Variants in TMPRSS15 observed in about 807,000 individuals in gnomAD.
TMPRSS15 encodes enteropeptidase.
In TMPRSS15, 128 loss-of-function variants were observed where a neutral mutation model predicts 125.3. The ratio of observed to expected loss-of-function variants is 1.02; its 90% CI spans 0.89 to 1.18. The LOEUF is 1.18. TMPRSS15 is among the 50% of genes most tolerant of loss of function. TMPRSS15 has a pLI of 0.00. For missense variants in TMPRSS15, 1,283 were observed against 1,212.7 expected, an observed-to-expected ratio of 1.06 and a Z score of -0.86; for synonymous variants, 446 against 423.2, an observed-to-expected ratio of 1.05 and a Z score of -0.66.
At chr21:18,289,745 G>A (rs543318946) in intron 21 of TMPRSS15, among the ~76,000 whole-genome samples, 4 of 152,212 alleles carry the variant, frequency 2.6e-5, no homozygotes, top group South Asian at 2.1e-4. Context: ...ATAGATGTCC[G>A]TTCAATGACT....
chr21:18,347,151 C>T (rs1009154070), intron 10 of TMPRSS15, among the ~76,000 whole-genome samples: 1 of 151,828 alleles, frequency 6.6e-6, no homozygotes, highest in Non-Finnish European at 1.5e-5. Flanking sequence ...CTTCAGAAAG[C>T]CTCCCAATTA....
At chr21:18,375,224 A>G (rs376620691) in intron 5 of TMPRSS15, among the ~76,000 whole-genome samples, 1 of 152,226 alleles carries the variant, frequency 6.6e-6, no homozygotes, top group East Asian at 1.9e-4. Flanking sequence ...ATTTTTGTCA[A>G]ATTGTATTTT....
intron 1 of TMPRSS15, among the ~76,000 whole-genome samples, chr21:18,473,471 A>C (rs540168944): frequency 2.6e-5 from 4 of 152,212 alleles, no homozygotes; most frequent in African/African-American, 9.6e-5. Context: ...ATGAATGAAC[A>C]GGCAACAGGT....
chr21:18,313,457 T>C (rs2146937145), intron 17 of TMPRSS15, among the ~76,000 whole-genome samples: 1 of 151,116 alleles, frequency 6.6e-6, no homozygotes, highest in Non-Finnish European at 1.5e-5. Context: ...CATCACATTG[T>C]AACCCATAAA....
chr21:18,383,638 A>G lies in TMPRSS15; in HGVS notation c.485T>C (p.Val162Ala), dbSNP rs2075913850. Residue 162 changes from valine (V) to alanine (A), a missense_variant, in exon 4 of 25, where the codon GTT becomes GCT. Coordinates refer to ENST00000284885, the MANE Select transcript of TMPRSS15 (RefSeq NM_002772.3). The part of the protein sequence containing the change: ...LVTFHIDLNS[V>A]DILDKLTTTS... ...ATGTTCACACATACCTAGGATATCAACGCTGTTCAAATCAATATGGAAAGT... is the reference window on the plus strand; with the variant it reads ...ATGTTCACACATACCTAGGATATCAGCGCTGTTCAAATCAATATGGAAAGT... 8 of 1,613,834 alleles carry G rather than the reference A, an allele frequency of 5.0e-6. No homozygotes were observed. Among genetic ancestry groups the G allele is most frequent in the Non-Finnish European group, 6.8e-6 (8 of 1,179,920 alleles).
chr21:18,313,177 G>A, intron 17 of TMPRSS15, 100 bp from the exon 18 acceptor site: 1 of 807,182 alleles, frequency 1.2e-6, no homozygotes, highest in South Asian at 1.4e-5. Flanking sequence ...TTAGACAGGA[G>A]GAATAAGTTC....
Position 18,275,226 on chromosome 21 carries a change from AGCCT to A in TMPRSS15, c.2871_2874del (p.Gly958MetfsTer6). On this transcript the variant is annotated frameshift_variant, in exon 24 of 25. Coordinates refer to ENST00000284885, the MANE Select transcript of TMPRSS15 (RefSeq NM_002772.3). LOFTEE classifies it high-confidence loss of function. ...CAAGAATCTATTCCTCCTTCTTCATAGCCTGCACATATCATATTTTCAGTAATGT... is the reference window on the plus strand; with the variant it reads ...CAAGAATCTATTCCTCCTTCTTCATAGCACATATCATATTTTCAGTAATGT... 6.2e-7 allele frequency: 1 copy of A among 1,614,100 alleles called. No individual in the cohort carries two copies. Among genetic ancestry groups the A allele is most frequent in the Non-Finnish European group, 8.5e-7 (1 of 1,179,982 alleles).
chr21:18,348,663 C>T (rs534533680), intron 10 of TMPRSS15, among the ~76,000 whole-genome samples: 26 of 152,172 alleles, frequency 1.7e-4, no homozygotes, highest in African/African-American at 6.0e-4. Context: ...ATTAAAGTTA[C>T]ACTTATTTTA....
intron 16 of TMPRSS15, among the ~76,000 whole-genome samples, chr21:18,320,543 T>C (rs2075223311): frequency 6.6e-6 from 1 of 152,232 alleles, no homozygotes; most frequent in Admixed American, 6.5e-5. Context: ...ATTTAAATGA[T>C]AACATAAAAA....
In TMPRSS15 at chr21:18,374,698, T is replaced by G. The variant is rs112458430; in HGVS notation, c.533-2374A>C. Among the ~76,000 whole-genome samples, 413 of 152,284 alleles carry G rather than the reference T, an allele frequency of 2.7e-3. 4 individuals are homozygous for G. Among genetic ancestry groups the G allele is most frequent in the African/African-American group, 9.1e-3 (377 of 41,548 alleles). On this transcript the variant is annotated intron_variant, in intron 5 of 24. Transcript: ENST00000284885. Reference sequence around the variant, plus strand: ...ATATATCTGCAATATGACCAGTCCATGTTTCATAAAGGCAATTGTTGGACC... The same window carrying G: ...ATATATCTGCAATATGACCAGTCCAGGTTTCATAAAGGCAATTGTTGGACC...
upstream of TMPRSS15, among the ~76,000 whole-genome samples, chr21:18,405,668 T>C (rs962111008): frequency 6.6e-6 from 1 of 152,256 alleles, no homozygotes; most frequent in African/African-American, 2.4e-5. Flanking sequence ...CTTCAATACA[T>C]AGCGCCGCAT....
In TMPRSS15 at chr21:18,343,607, T is replaced by C. The variant is rs377563522; in HGVS notation, c.1327A>G (p.Asn443Asp). Residue 443 changes from asparagine to aspartate, a missense_variant, in exon 12 of 25, where the codon AAT becomes GAT. Asn to Asp is a conservative substitution (Grantham distance 23). Transcript: ENST00000284885. ...NVHKLSINIS[N>D]DQNMEKTVFQ... ...ACTGTCTTCTCCATATTTTGGTCAT[T>C]GCTGATATTAATGCTTAATTTATGG... is the stretch of plus-strand genomic sequence containing the variant. The C allele has an allele frequency of 2.8e-5, 45 of 1,613,530 alleles. No individual in the cohort carries two copies. In the African/African-American group the frequency reaches 5.5e-4, roughly 20 times the overall value.
At chr21:18,352,796 C>T (rs1337507017) in intron 10 of TMPRSS15, 107 bp downstream of exon 10, 1 of 1,174,028 alleles carries the variant, frequency 8.5e-7, no homozygotes, top group East Asian at 2.4e-5. Context: ...CCCAAAAAGA[C>T]TTTTGCATTT....
At chr21:18,279,086 G>A (rs919702919) in intron 22 of TMPRSS15, 27 bp from the exon 23 acceptor site, 9 of 1,168,154 alleles carry the variant, frequency 7.7e-6, no homozygotes, top group African/African-American at 4.6e-5. Context: ...ACAGCAAAAC[G>A]AACAAACGAA....
Position 18,403,742 on chromosome 21 carries a change from A to C in TMPRSS15, c.-120T>G. ...TGTAAAGCAACAACCACCTGTCTACATGCATACCAGTCAGTGTAAGTGAGT... is the reference window on the plus strand; with the variant it reads ...TGTAAAGCAACAACCACCTGTCTACCTGCATACCAGTCAGTGTAAGTGAGT... On this transcript the variant is annotated 5_prime_UTR_variant, in exon 1 of 25. An upstream start codon of the reference 5' UTR is lost. Transcript: ENST00000284885. 8.1e-7 allele frequency: 1 copy of C among 1,239,524 alleles called. No individual in the cohort carries two copies. The highest frequency in any genetic ancestry group is 1.2e-6 in the Non-Finnish European group (1 of 866,378). 76.8% of individuals were successfully genotyped at this position (1,239,524 alleles called of 1,614,324 possible).
At chr21:18,466,014 C>T (rs190828139) in intron 1 of TMPRSS15, among the ~76,000 whole-genome samples, 56 of 152,282 alleles carry the variant, frequency 3.7e-4, no homozygotes, top group African/African-American at 1.3e-3. Flanking sequence ...TCAAACTATA[C>T]TACAAGGCTA....
intron 8 of TMPRSS15, among the ~76,000 whole-genome samples, chr21:18,357,009 A>G (rs1214544259): frequency 1.3e-5 from 2 of 151,796 alleles, no homozygotes; most frequent in African/African-American, 4.8e-5. Flanking sequence ...CATAACAACT[A>G]TGCACTCAGA....
chr21:18,433,823 T>G (rs2055651267), intron 1 of TMPRSS15, among the ~76,000 whole-genome samples: 1 of 152,164 alleles, frequency 6.6e-6, no homozygotes, highest in South Asian at 2.1e-4. Context: ...GTAGTTTGTT[T>G]TGGAGTTTTG....
intron 1 of TMPRSS15, among the ~76,000 whole-genome samples, chr21:18,449,804 T>C (rs576078362): frequency 3.7e-4 from 57 of 152,070 alleles, no homozygotes; most frequent in Admixed American, 6.6e-4. Context: ...TAGGGCCTAA[T>C]GGGAAATGTT....
Sources: allele counts gnomAD v4.1 joint callset (sites outside exome capture counted in the v4.1 genomes callset), GRCh38; gene constraint gnomAD v4.1.1; transcripts MANE v1.5; gene names NCBI Gene and HGNC (gene_info 2026-07-23, HGNC 2026-07-21).